ST6GALNAC5: variants seen among roughly 807,000 people sequenced by gnomAD.
ST6GALNAC5 encodes the protein alpha-N-acetylgalactosaminide alpha-2,6-sialyltransferase 5.
ST6GALNAC5 carries 27 observed loss-of-function variants against 33.6 expected under a neutral mutation model. That is an observed-to-expected ratio of 0.80 (90% CI 0.59 to 1.11). The LOEUF is 1.11. Ranked by LOEUF, ST6GALNAC5 falls within the 50% of genes least tolerant of loss-of-function variation. The pLI is 0.00. For synonymous variants in ST6GALNAC5, 194 were observed against 171.2 expected (o/e 1.13, Z -1.04); for missense variants, 428 against 454.0 (o/e 0.94, Z 0.52).
At chr1:76,958,585 G>T (rs1273585955) in intron 2 of ST6GALNAC5, among the ~76,000 whole-genome samples, 1 of 152,138 alleles carries the variant, frequency 6.6e-6, no homozygotes, top group Admixed American at 6.5e-5. Flanking sequence ...ACTGTCTTCT[G>T]TTGACACAGT....
chr1:77,035,174 C>T (rs1294255058), intron 2 of ST6GALNAC5, among the ~76,000 whole-genome samples: 1 of 152,160 alleles, frequency 6.6e-6, no homozygotes, highest in Admixed American at 6.5e-5. Context: ...GTTGTTGCTG[C>T]TGGCCTGGGA....
chr1:76,966,413 A>G (rs1210432471), intron 2 of ST6GALNAC5, among the ~76,000 whole-genome samples: 1 of 151,898 alleles, frequency 6.6e-6, no homozygotes, highest in Non-Finnish European at 1.5e-5. Context: ...TGTTATTGGT[A>G]TTTAGGAATG....
chr1:76,932,650 T>C (rs1201056362), intron 2 of ST6GALNAC5, among the ~76,000 whole-genome samples: 1 of 152,012 alleles, frequency 6.6e-6, no homozygotes, highest in Non-Finnish European at 1.5e-5. Context: ...GAGATTTCGG[T>C]TTGTGTCCAG....
At chr1:77,003,453 A>C (rs904975050) in intron 2 of ST6GALNAC5, among the ~76,000 whole-genome samples, 1 of 150,124 alleles carries the variant, frequency 6.7e-6, no homozygotes, top group Non-Finnish European at 1.5e-5. Context: ...CCAATTTGCC[A>C]GTCTGTGTCT....
chr1:76,891,910 A>G (rs910728976), intron 2 of ST6GALNAC5, among the ~76,000 whole-genome samples: 1 of 152,202 alleles, frequency 6.6e-6, no homozygotes, highest in Admixed American at 6.5e-5. Context: ...AAATTCAGTT[A>G]TATATACTGT....
chr1:77,047,707 A>G (rs756609113), intron 3 of ST6GALNAC5, among the ~76,000 whole-genome samples: 15 of 152,242 alleles, frequency 9.9e-5, no homozygotes, highest in Non-Finnish European at 2.1e-4. Flanking sequence ...ATATTATAGT[A>G]ATTAGATAAA....
At chr1:76,990,619 G>A (rs1270119647) in intron 2 of ST6GALNAC5, among the ~76,000 whole-genome samples, 4 of 152,064 alleles carry the variant, frequency 2.6e-5, no homozygotes, top group African/African-American at 4.8e-5. Flanking sequence ...ACTCATTCCT[G>A]CTCCATCCTC....
Position 76,868,595 on chromosome 1 carries a change from G to GCAGCAGCAGCAGCAGCAGCAA in ST6GALNAC5, c.127_147dup (p.Gln43_Gln49dup). On this transcript the variant is annotated inframe_insertion, in exon 2 of 5. Coordinates refer to ENST00000477717, the MANE Select transcript of ST6GALNAC5 (RefSeq NM_030965.3). This position sits in a 1 kb window ranked among gnomAD's most constrained non-coding sequence, Gnocchi z 4.3. The stretch of plus-strand genomic sequence containing the variant: ...GCGGCCAGAAGGAGCGGCCCCCGCA[G>GCAGCAGCAGCAGCAGCAGCAA]CAGCAGCAGCAGCAGCAGCAACAGC... 1 of 1,604,262 alleles carries GCAGCAGCAGCAGCAGCAGCAA rather than the reference G, an allele frequency of 6.2e-7. No homozygotes were observed.
intron 2 of ST6GALNAC5, among the ~76,000 whole-genome samples, chr1:76,970,944 G>T (rs1648731709): frequency 6.6e-6 from 1 of 152,060 alleles, no homozygotes; most frequent in South Asian, 2.1e-4. Flanking sequence ...ATGTAAATAA[G>T]AAAATATTTT....
chr1:76,867,497 T>C lies in ST6GALNAC5; in HGVS notation c.-179T>C. 1 of 895,696 alleles carries C rather than the reference T, an allele frequency of 1.1e-6. No individual in the cohort carries two copies. Among genetic ancestry groups the C allele is most frequent in the South Asian group, 1.4e-5 (1 of 72,002 alleles). The allele number at this position is 895,696 out of a possible 1,614,324, so 55.5% of individuals were successfully genotyped here. ...TCCGGTTCAGTTTTAATTCTGTCTCTAATCTCTGCAACAGCCGCGCTTCCC... is the reference window on the plus strand; with the variant it reads ...TCCGGTTCAGTTTTAATTCTGTCTCCAATCTCTGCAACAGCCGCGCTTCCC... On this transcript the variant is annotated 5_prime_UTR_variant, in exon 1 of 5. Coordinates refer to ENST00000477717, the MANE Select transcript of ST6GALNAC5 (RefSeq NM_030965.3).
intron 2 of ST6GALNAC5, among the ~76,000 whole-genome samples, chr1:77,042,608 G>A (rs1356123074): frequency 6.6e-6 from 1 of 152,122 alleles, no homozygotes; most frequent in Non-Finnish European, 1.5e-5. Flanking sequence ...TTCTAAATGG[G>A]TGATAGGAAC....
chr1:77,060,679 T>G (rs924835210), intron 4 of ST6GALNAC5, among the ~76,000 whole-genome samples: 1 of 152,152 alleles, frequency 6.6e-6, no homozygotes, highest in Non-Finnish European at 1.5e-5. Context: ...AGGGGATCAA[T>G]ATGGAGTCAG....
intron 2 of ST6GALNAC5, among the ~76,000 whole-genome samples, chr1:76,880,856 A>G (rs1653763824): frequency 6.6e-6 from 1 of 152,240 alleles, no homozygotes; most frequent in Non-Finnish European, 1.5e-5. Context: ...TGTGTTGACC[A>G]CAAGACAGAA....
chr1:76,926,078 C>T (rs1352109619), intron 2 of ST6GALNAC5, among the ~76,000 whole-genome samples: 1 of 152,140 alleles, frequency 6.6e-6, no homozygotes, highest in African/African-American at 2.4e-5. Flanking sequence ...GGATCTGCCT[C>T]GCAGGATCAG....
At chr1:76,945,633 T>C (rs567778509) in intron 2 of ST6GALNAC5, among the ~76,000 whole-genome samples, 1 of 152,152 alleles carries the variant, frequency 6.6e-6, no homozygotes, top group Non-Finnish European at 1.5e-5. Context: ...CTGGAATATA[T>C]GATAATCCTG....
chr1:76,899,900 T>C lies in ST6GALNAC5; in HGVS notation c.261+31158T>C, dbSNP rs548664106. Among the ~76,000 whole-genome samples the C allele has an allele frequency of 2.0e-4, 30 of 152,302 alleles. No homozygotes were observed. The South Asian group carries it at 6.0e-3, about 31-fold the overall frequency. On this transcript the variant is annotated intron_variant, in intron 2 of 4. Coordinates refer to ENST00000477717, the MANE Select transcript of ST6GALNAC5 (RefSeq NM_030965.3). ...ACCAGAGGTTGTAGGTGGATCTTTC[T>C]CATGGAGCAAAATGCAGGAGGACAG...
At chr1:77,040,896 G>A (rs375663711) in intron 2 of ST6GALNAC5, among the ~76,000 whole-genome samples, 49 of 152,312 alleles carry the variant, frequency 3.2e-4, no homozygotes, top group African/African-American at 1.1e-3. Flanking sequence ...TAAGTCCTCA[G>A]TGAAGGTCTT....
intron 2 of ST6GALNAC5, among the ~76,000 whole-genome samples, chr1:76,988,534 A>G (rs1649599685): frequency 6.6e-6 from 1 of 151,670 alleles, no homozygotes; most frequent in Admixed American, 6.6e-5. Context: ...CTCTCCTTTT[A>G]TCTCTGGATC....
chr1:76,932,424 A>G (rs746660632), intron 2 of ST6GALNAC5, among the ~76,000 whole-genome samples: 1 of 152,094 alleles, frequency 6.6e-6, no homozygotes, highest in Non-Finnish European at 1.5e-5. Flanking sequence ...ACATGTCTTC[A>G]ATTTTCCCAT....
Sources: gnomAD v4.1 joint callset for allele counts (sites outside exome capture counted in the v4.1 genomes callset) on GRCh38, gnomAD v4.1.1 for gene constraint, Gnocchi (gnomAD v3.1) non-coding constraint, MANE v1.5 for transcripts, NCBI Gene and HGNC (gene_info 2026-07-23, HGNC 2026-07-21) for gene names.